The following ADAMTSL3 variants were observed in gnomAD, a reference collection of about 807,000 sequenced individuals.
ADAMTSL3 encodes ADAMTS-like protein 3.
ADAMTSL3 carries 128 observed loss-of-function variants against 201.7 expected under a neutral mutation model. That is an observed-to-expected ratio of 0.63 (90% CI 0.55 to 0.73). ADAMTSL3 has a LOEUF of 0.73. Ranked by LOEUF, ADAMTSL3 falls within the 30% of genes least tolerant of loss-of-function variation. The pLI is 0.00. For synonymous variants in ADAMTSL3, 738 were observed against 748.4 expected (o/e 0.99, Z 0.23); for missense variants, 1,990 against 2,119.6 (o/e 0.94, Z 1.20).
intron 3 of ADAMTSL3, among the ~76,000 whole-genome samples, chr15:83,731,627 A>G (rs765922594): frequency 3.3e-5 from 5 of 152,072 alleles, no homozygotes; most frequent in Non-Finnish European, 7.4e-5. Context: ...GCAGTGTTAT[A>G]CTCAATAGCC....
At chr15:83,692,903 A>G (rs1178669689) in intron 2 of ADAMTSL3, among the ~76,000 whole-genome samples, 1 of 152,168 alleles carries the variant, frequency 6.6e-6, no homozygotes, top group Non-Finnish European at 1.5e-5. Context: ...GAAAGCCTGC[A>G]TGATTTCAGC....
At chr15:83,684,907 C>A (rs2061516650) in intron 2 of ADAMTSL3, among the ~76,000 whole-genome samples, 1 of 152,110 alleles carries the variant, frequency 6.6e-6, no homozygotes, top group African/African-American at 2.4e-5. Flanking sequence ...TTGAGGTTTA[C>A]TAGCTTTTGG....
intron 22 of ADAMTSL3, among the ~76,000 whole-genome samples, chr15:83,989,596 G>T (rs1346724391): frequency 6.6e-6 from 1 of 152,234 alleles, no homozygotes; most frequent in East Asian, 1.9e-4. Context: ...CTATAAAGTA[G>T]TGTGAGTCTT....
intron 1 of ADAMTSL3, 81 bp from the exon 2 acceptor site, chr15:83,655,648 C>G: frequency 1.0e-6 from 1 of 981,490 alleles, no homozygotes; most frequent in Non-Finnish European, 1.6e-6. Flanking sequence ...AGGGTCCCTC[C>G]ATCTAATGGG....
intron 5 of ADAMTSL3, among the ~76,000 whole-genome samples, chr15:83,807,864 G>A (rs1344791397): frequency 6.6e-6 from 1 of 152,102 alleles, no homozygotes; most frequent in Non-Finnish European, 1.5e-5. Flanking sequence ...TTTTCACAAG[G>A]GTGCCAAGAA....
At chr15:83,975,013 T>G (rs1342973453) in intron 20 of ADAMTSL3, among the ~76,000 whole-genome samples, 5 of 147,206 alleles carry the variant, frequency 3.4e-5, no homozygotes, top group Admixed American at 3.4e-4. Context: ...TTTTTTTTTT[T>G]TTTTTTTTGA....
At chr15:83,696,997 C>T (rs896643135) in intron 2 of ADAMTSL3, among the ~76,000 whole-genome samples, 9 of 152,074 alleles carry the variant, frequency 5.9e-5, no homozygotes, top group Non-Finnish European at 1.0e-4. Context: ...GTTCTGTAGA[C>T]GTTAGCGGTG....
At chr15:83,693,711 T>C (rs966322886) in intron 2 of ADAMTSL3, among the ~76,000 whole-genome samples, 12 of 152,208 alleles carry the variant, frequency 7.9e-5, no homozygotes, top group Non-Finnish European at 1.6e-4. Context: ...TAGTATACAA[T>C]TTACTTCTCT....
chr15:83,656,224 G>A (rs1490348740), intron 2 of ADAMTSL3, among the ~76,000 whole-genome samples: 1 of 152,186 alleles, frequency 6.6e-6, no homozygotes, highest in Non-Finnish European at 1.5e-5. Context: ...AATATTCTGA[G>A]TTTACATCTA....
chr15:83,936,824 C>A (rs2066468465), intron 17 of ADAMTSL3, among the ~76,000 whole-genome samples: 1 of 150,550 alleles, frequency 6.6e-6, no homozygotes, highest in African/African-American at 2.5e-5. Context: ...AGCAAAAAAC[C>A]AAAAATCCCT....
rs971051509 is a variant in ADAMTSL3 at position 83,654,672 on chromosome 15, G to C, written c.-34+396G>C. On this transcript the variant is annotated intron_variant, in intron 1 of 29. Transcript: ENST00000286744. The surrounding 1 kb of genome is among the most constrained non-coding windows in gnomAD (Gnocchi z 5.3). ...CGCCCAGAACGCCGGGGGTTGAGGC[G>C]ACGCGCGATCGTGGAAAGTGGGCGT... 1.4e-4 allele frequency among the ~76,000 whole-genome samples: 22 copies of C among 152,250 alleles called. No homozygotes were observed. Among genetic ancestry groups the C allele is most frequent in the Middle Eastern group, 3.4e-3 (1 of 294 alleles).
At chr15:83,854,750 G>T (rs1001025409) in intron 7 of ADAMTSL3, among the ~76,000 whole-genome samples, 3 of 152,046 alleles carry the variant, frequency 2.0e-5, no homozygotes, top group African/African-American at 7.2e-5. Flanking sequence ...TTTAAAAAAA[G>T]GTTTCTGTTT....
At chr15:83,695,595 C>A (rs945759338) in intron 2 of ADAMTSL3, among the ~76,000 whole-genome samples, 1 of 151,984 alleles carries the variant, frequency 6.6e-6, no homozygotes, top group Non-Finnish European at 1.5e-5. Flanking sequence ...TGTATCCAGA[C>A]TTTATTCAAA....
Position 83,885,148 on chromosome 15 carries a change from C to T in ADAMTSL3, c.1008C>T (p.Tyr336=). Residue 336 remains tyrosine (Y), a synonymous_variant, in exon 10 of 30, where the codon TAC becomes TAT. Transcript: ENST00000286744. ...ACAGCGTGGTTCAGTTCTTCTTTTACCAGCCCATCAGTCATCAGTGGAGAC... is the reference window on the plus strand; with the variant it reads ...ACAGCGTGGTTCAGTTCTTCTTTTATCAGCCCATCAGTCATCAGTGGAGAC... The part of the protein sequence containing the change: ...AKDSVVQFFF[Y]QPISHQWRQT... The T allele has an allele frequency of 6.2e-7, 1 of 1,614,150 alleles. No individual in the cohort carries two copies.
chr15:83,943,996 C>G (rs937333438), intron 19 of ADAMTSL3, among the ~76,000 whole-genome samples: 1 of 152,002 alleles, frequency 6.6e-6, no homozygotes, highest in East Asian at 1.9e-4. Flanking sequence ...GAGAAGACTA[C>G]TTAAGTGACT....
intron 3 of ADAMTSL3, among the ~76,000 whole-genome samples, chr15:83,768,993 G>A (rs1162089102): frequency 2.6e-5 from 4 of 152,104 alleles, no homozygotes; most frequent in Non-Finnish European, 5.9e-5. Context: ...GGTGCCATTC[G>A]TGCTCTACTT....
At chr15:83,832,205 T>G in intron 6 of ADAMTSL3, among the ~76,000 whole-genome samples, 1 of 152,130 alleles carries the variant, frequency 6.6e-6, no homozygotes, top group East Asian at 1.9e-4. Context: ...GAGCTTTTAT[T>G]TGCCTGCAGT....
At chr15:83,954,957 A>G (rs939840578) in intron 19 of ADAMTSL3, among the ~76,000 whole-genome samples, 2 of 152,216 alleles carry the variant, frequency 1.3e-5, no homozygotes, top group Non-Finnish European at 2.9e-5. Flanking sequence ...TGAAGCCAGA[A>G]TAGCACTGGG....
chr15:83,705,518 A>G (rs1252452273), intron 3 of ADAMTSL3, among the ~76,000 whole-genome samples: 1 of 152,164 alleles, frequency 6.6e-6, no homozygotes, highest in Admixed American at 6.5e-5. Flanking sequence ...TAGATCCAAG[A>G]TGTGACCACA....
Sources: gnomAD v4.1 joint callset for allele counts (sites outside exome capture counted in the v4.1 genomes callset) on GRCh38, gnomAD v4.1.1 for gene constraint, Gnocchi (gnomAD v3.1) non-coding constraint, MANE v1.5 for transcripts, NCBI Gene and HGNC (gene_info 2026-07-23, HGNC 2026-07-21) for gene names.